SGCZ: variants seen among roughly 807,000 people sequenced by gnomAD.
SGCZ encodes sarcoglycan zeta.
A neutral mutation model predicts 41.3 loss-of-function variants in SGCZ; 40 were observed. That is an observed-to-expected ratio of 0.97 (90% CI 0.75 to 1.26). SGCZ has a LOEUF of 1.26. Ranked by LOEUF, SGCZ falls within the 50% of genes most tolerant of loss-of-function variation. SGCZ has a pLI of 0.00. For missense variants in SGCZ, 552 were observed against 369.8 expected (o/e 1.49, Z -4.04); for synonymous variants, 206 against 137.5 (o/e 1.50, Z -3.49).
At chr8:14,912,522 C>T (rs1240235347) in intron 1 of SGCZ, among the ~76,000 whole-genome samples, 5 of 151,994 alleles carry the variant, frequency 3.3e-5, no homozygotes, top group Non-Finnish European at 5.9e-5. Context: ...AAATTGTGTA[C>T]ATCAAATTAG....
intron 1 of SGCZ, among the ~76,000 whole-genome samples, chr8:15,157,226 T>C (rs930308928): frequency 2.6e-5 from 4 of 152,002 alleles, no homozygotes; most frequent in African/African-American, 9.7e-5. Flanking sequence ...CACAATATGA[T>C]ATTTTTCTCA....
At chr8:14,269,555 G>C (rs747759902) in intron 3 of SGCZ, among the ~76,000 whole-genome samples, 9 of 152,094 alleles carry the variant, frequency 5.9e-5, no homozygotes, top group Non-Finnish European at 1.3e-4. Context: ...ACACTCCTTG[G>C]TATACTGCAC....
intron 1 of SGCZ, among the ~76,000 whole-genome samples, chr8:15,236,811 G>A (rs1296185411): frequency 6.6e-6 from 1 of 152,156 alleles, no homozygotes; most frequent in Admixed American, 6.5e-5. Flanking sequence ...GCGGCGCGGG[G>A]AACCCGCGGA....
At chr8:15,133,446 G>A (rs1248779908) in intron 1 of SGCZ, among the ~76,000 whole-genome samples, 1 of 152,082 alleles carries the variant, frequency 6.6e-6, no homozygotes, top group African/African-American at 2.4e-5. Context: ...ATCTTTCTCA[G>A]CCTACGTCTT....
chr8:14,983,497 A>C (rs1369509935), intron 1 of SGCZ, among the ~76,000 whole-genome samples: 1 of 152,032 alleles, frequency 6.6e-6, no homozygotes, highest in East Asian at 1.9e-4. Context: ...CTCCCACCTC[A>C]GCCTCCAGAG....
At chr8:14,800,687 C>T (rs540760308) in intron 1 of SGCZ, among the ~76,000 whole-genome samples, 7 of 152,278 alleles carry the variant, frequency 4.6e-5, no homozygotes, top group African/African-American at 1.7e-4. Context: ...GCTTCCCTTT[C>T]CCCTTCTGCC....
chr8:14,513,180 C>T (rs1162393264), intron 2 of SGCZ, among the ~76,000 whole-genome samples: 1 of 151,890 alleles, frequency 6.6e-6, no homozygotes, highest in East Asian at 1.9e-4. Context: ...GTAGCTGAGT[C>T]TATAAGCATG....
chr8:14,924,777 G>C (rs1030180903), intron 1 of SGCZ, among the ~76,000 whole-genome samples: 1 of 149,200 alleles, frequency 6.7e-6, no homozygotes, highest in Non-Finnish European at 1.5e-5. Context: ...AGTTTGATTT[G>C]TTAAATAGTC....
rs112647175 is a variant in SGCZ, at chr8:15,113,687, C to T, written c.39+123898G>A. On this transcript the variant is annotated intron_variant, in intron 1 of 7. Transcript: ENST00000382080. ...CTCATACAGTCTGCCTAAAAGTCAT[C>T]TTCCAAAGTCATTGCATGAAATTAT... 7.3e-4 allele frequency among the ~76,000 whole-genome samples: 111 copies of T among 152,272 alleles called. 1 individual carries two copies. Among genetic ancestry groups the T allele is most frequent in the African/African-American group, 2.6e-3 (109 of 41,552 alleles).
At chr8:15,178,776 G>A (rs1800072810) in intron 1 of SGCZ, among the ~76,000 whole-genome samples, 2 of 148,724 alleles carry the variant, frequency 1.3e-5, no homozygotes, top group Admixed American at 6.8e-5. Context: ...TACGAAGACT[G>A]AGCAAAGTTA....
chr8:14,227,677 T>C (rs551360032), intron 4 of SGCZ, among the ~76,000 whole-genome samples: 1 of 152,202 alleles, frequency 6.6e-6, no homozygotes, highest in South Asian at 2.1e-4. Flanking sequence ...GGTAATACTG[T>C]TTCCTCATTA....
At chr8:14,925,516 T>C (rs1200025253) in intron 1 of SGCZ, among the ~76,000 whole-genome samples, 1 of 152,204 alleles carries the variant, frequency 6.6e-6, no homozygotes, top group South Asian at 2.1e-4. Context: ...GTTTTCATTC[T>C]CAAGGAGATG....
At chr8:14,372,995 A>G (rs1169403672) in intron 2 of SGCZ, among the ~76,000 whole-genome samples, 4 of 152,224 alleles carry the variant, frequency 2.6e-5, no homozygotes, top group Admixed American at 2.6e-4. Flanking sequence ...GACAGTAGTC[A>G]CTGCTACTGA....
Position 14,600,216 on chromosome 8 carries a change from T to C in SGCZ, c.40-45290A>G, listed in dbSNP as rs140450254. On this transcript the variant is annotated intron_variant, in intron 1 of 7. Coordinates refer to ENST00000382080, the MANE Select transcript of SGCZ (RefSeq NM_139167.4). ...GCCTCCCTGCCTTGTCTTCTTCATA[T>C]CTGTTATGCATTTTCTGCATTCACC... 7.5e-3 allele frequency among the ~76,000 whole-genome samples: 1,135 copies of C among 152,294 alleles called. 8 individuals carry two copies. Among genetic ancestry groups the C allele is most frequent in the Non-Finnish European group, 0.012 (802 of 68,014 alleles).
At chr8:14,824,190 G>C (rs1469455329) in intron 1 of SGCZ, among the ~76,000 whole-genome samples, 1 of 151,944 alleles carries the variant, frequency 6.6e-6, no homozygotes, top group African/African-American at 2.4e-5. Flanking sequence ...CTGCACAGTA[G>C]GGTGACTATA....
intron 1 of SGCZ, among the ~76,000 whole-genome samples, chr8:14,717,745 A>T (rs945197101): frequency 5.9e-5 from 9 of 152,142 alleles, no homozygotes; most frequent in Non-Finnish European, 8.8e-5. Flanking sequence ...CTTAGCTGGC[A>T]CTTGAATTCT....
At chr8:14,708,290 T>C (rs777355464) in intron 1 of SGCZ, among the ~76,000 whole-genome samples, 2 of 152,058 alleles carry the variant, frequency 1.3e-5, no homozygotes, top group African/African-American at 4.8e-5. Flanking sequence ...GCCTTTTTCA[T>C]AGAATATTAA....
intron 1 of SGCZ, among the ~76,000 whole-genome samples, chr8:14,947,448 A>G (rs562202554): frequency 6.6e-6 from 1 of 152,246 alleles, no homozygotes; most frequent in African/African-American, 2.4e-5. Flanking sequence ...CAACCTCTAC[A>G]AGACATAAAA....
intron 2 of SGCZ, chr8:14,487,798 T>C (rs941768516): frequency 6.6e-6 from 1 of 152,212 alleles, no homozygotes; most frequent in African/African-American, 2.4e-5. Flanking sequence ...CAAATCCAAA[T>C]CTACATGTCA....
Sources: allele counts gnomAD v4.1 joint callset (sites outside exome capture counted in the v4.1 genomes callset), GRCh38; gene constraint gnomAD v4.1.1; transcripts MANE v1.5; gene names NCBI Gene and HGNC (gene_info 2026-07-23, HGNC 2026-07-21).